The following SGCZ variants were observed in gnomAD, a reference collection of about 807,000 sequenced individuals.
The protein encoded by SGCZ is sarcoglycan zeta.
In SGCZ, 40 loss-of-function variants were observed where a neutral mutation model predicts 41.3. The ratio of observed to expected loss-of-function variants is 0.97; its 90% confidence interval spans 0.75 to 1.26. SGCZ has a LOEUF of 1.26. SGCZ is among the 50% of genes most tolerant of loss of function. SGCZ has a pLI of 0.00. For synonymous variants in SGCZ, 206 were observed against 137.5 expected, an observed-to-expected ratio of 1.50 and a Z score of -3.49; for missense variants, 552 against 369.8, an observed-to-expected ratio of 1.49 and a Z score of -4.04.
intron 1 of SGCZ, among the ~76,000 whole-genome samples, chr8:14,786,218 C>G (rs1353321906): frequency 6.6e-6 from 1 of 152,040 alleles, no homozygotes; most frequent in African/African-American, 2.4e-5. Context: ...TTTTATCAGA[C>G]AGTGGTCTTT....
At chr8:14,737,741 T>C (rs1391345010) in intron 1 of SGCZ, among the ~76,000 whole-genome samples, 2 of 152,092 alleles carry the variant, frequency 1.3e-5, no homozygotes, top group Non-Finnish European at 2.9e-5. Flanking sequence ...ATCAGGCATA[T>C]TGGATTCGAG....
chr8:15,097,071 C>G (rs2410232), intron 1 of SGCZ, among the ~76,000 whole-genome samples: 130,751 of 152,136 alleles, frequency 0.86, 56,222 homozygotes, highest in Admixed American at 0.87. Flanking sequence ...CTGCCTCAGC[C>G]TCCTGAATAG....
intron 1 of SGCZ, among the ~76,000 whole-genome samples, chr8:14,675,882 T>G (rs1409457252): frequency 1.3e-5 from 2 of 152,186 alleles, no homozygotes; most frequent in African/African-American, 4.8e-5. Context: ...TTATTCTTGC[T>G]GAGTTTGGAG....
chr8:14,206,904 A>C (rs574689687), intron 4 of SGCZ, among the ~76,000 whole-genome samples: 1 of 152,110 alleles, frequency 6.6e-6, no homozygotes, highest in African/African-American at 2.4e-5. Context: ...CTGGGAATAG[A>C]CCTGGTGGCC....
At chr8:14,377,343 T>C (rs1333887478) in intron 2 of SGCZ, among the ~76,000 whole-genome samples, 1 of 152,082 alleles carries the variant, frequency 6.6e-6, no homozygotes, top group Non-Finnish European at 1.5e-5. Context: ...CCTTGCCACA[T>C]ACCTTGCCCT....
chr8:14,632,967 T>G (rs1806708314), intron 1 of SGCZ, among the ~76,000 whole-genome samples: 1 of 151,736 alleles, frequency 6.6e-6, no homozygotes, highest in African/African-American at 2.4e-5. Context: ...TGCTTGTTAA[T>G]AAGTGAATTA....
chr8:14,882,482 G>T (rs533292000), intron 1 of SGCZ, among the ~76,000 whole-genome samples: 2 of 152,004 alleles, frequency 1.3e-5, no homozygotes, highest in South Asian at 4.1e-4. Flanking sequence ...GAATATCGTT[G>T]GTACTGTATC....
intron 1 of SGCZ, among the ~76,000 whole-genome samples, chr8:15,103,414 A>AAATAAATG (rs1806692479): frequency 6.6e-6 from 1 of 151,052 alleles, no homozygotes; most frequent in Non-Finnish European, 1.5e-5. Context: ...ATAAATAAAT[A>AAATAAATG]AATAAATAAA....
chr8:14,828,004 T>A (rs1429270668), intron 1 of SGCZ, among the ~76,000 whole-genome samples: 2 of 152,242 alleles, frequency 1.3e-5, no homozygotes, highest in Non-Finnish European at 2.9e-5. Context: ...TCGTACTACT[T>A]GTTTAACATG....
At chr8:14,679,116 T>C (rs1563197926) in intron 1 of SGCZ, among the ~76,000 whole-genome samples, 1 of 152,164 alleles carries the variant, frequency 6.6e-6, no homozygotes, top group Non-Finnish European at 1.5e-5. Context: ...GTAGTGCAGG[T>C]ATAAACCGAC....
At chr8:14,396,458 G>A (rs185068684) in intron 2 of SGCZ, among the ~76,000 whole-genome samples, 261 of 152,104 alleles carry the variant, frequency 1.7e-3, no homozygotes, top group Middle Eastern at 6.8e-3. Context: ...TAGGCGTGAA[G>A]GATTTTGTGA....
At chr8:14,501,742 G>T (rs931665468) in intron 2 of SGCZ, among the ~76,000 whole-genome samples, 13 of 150,838 alleles carry the variant, frequency 8.6e-5, no homozygotes, top group East Asian at 2.0e-4. Flanking sequence ...TGGCTAATTT[G>T]GTTGTATAGC....
chr8:14,453,988 A>C (rs1800670595), intron 2 of SGCZ, among the ~76,000 whole-genome samples: 1 of 147,812 alleles, frequency 6.8e-6, no homozygotes, highest in Non-Finnish European at 1.5e-5. Flanking sequence ...AATGACAGTG[A>C]CACAAAAAAA....
intron 1 of SGCZ, among the ~76,000 whole-genome samples, chr8:14,975,786 CTT>C (rs139867741): frequency 3.1e-3 from 328 of 105,398 alleles, no homozygotes; most frequent in African/African-American, 0.014. Context: ...CTTTTTTCCA[CTT>C]TTATATATAT....
chr8:14,970,569 T>A (rs1801257991), intron 1 of SGCZ, among the ~76,000 whole-genome samples: 1 of 152,158 alleles, frequency 6.6e-6, no homozygotes, highest in Non-Finnish European at 1.5e-5. Flanking sequence ...AGACTTACCT[T>A]TGTAGAATTA....
At chr8:14,568,239 G>C (rs1230456560) in intron 1 of SGCZ, among the ~76,000 whole-genome samples, 1 of 151,946 alleles carries the variant, frequency 6.6e-6, no homozygotes, top group Non-Finnish European at 1.5e-5. Flanking sequence ...GTCCGGGGGT[G>C]GGGAGAAAGA....
chr8:14,246,018 C>G (rs1010902061), intron 3 of SGCZ, among the ~76,000 whole-genome samples: 2 of 152,140 alleles, frequency 1.3e-5, no homozygotes, highest in African/African-American at 4.8e-5. Flanking sequence ...ACTAGTTCAA[C>G]CATTGTGGAA....
intron 1 of SGCZ, among the ~76,000 whole-genome samples, chr8:14,754,333 C>G (rs749408099): frequency 2.0e-5 from 3 of 152,208 alleles, no homozygotes; most frequent in Non-Finnish European, 4.4e-5. Context: ...TCAGCATCAT[C>G]ATGCCTGATC....
chr8:14,689,661 C>T (rs1009346818), intron 1 of SGCZ, among the ~76,000 whole-genome samples: 2 of 152,152 alleles, frequency 1.3e-5, no homozygotes, highest in East Asian at 1.9e-4. Flanking sequence ...TCTGTTATAA[C>T]ATTTAAATGA....
Sources: allele counts gnomAD v4.1 joint callset (sites outside exome capture counted in the v4.1 genomes callset), GRCh38; gene constraint gnomAD v4.1.1; transcripts MANE v1.5; gene names NCBI Gene and HGNC (gene_info 2026-07-23, HGNC 2026-07-21).